The following FCN2 variants were observed in gnomAD, a reference collection of about 807,000 sequenced individuals.
FCN2 encodes the protein ficolin-2.
FCN2 carries 31 observed loss-of-function variants against 32.5 expected under a neutral mutation model. The ratio of observed to expected loss-of-function variants is 0.96; its 90% CI spans 0.72 to 1.29. FCN2 has a LOEUF of 1.29. Among genes scored for constraint, FCN2 ranks in the 50% most tolerant of loss-of-function variants. FCN2 has a pLI of 0.00. For synonymous variants in FCN2, 181 were observed against 164.5 expected (o/e 1.10, Z -0.77); for missense variants, 412 against 406.5 (o/e 1.01, Z -0.12).
In FCN2 at chr9:134,882,510, C is replaced by G. The variant is rs750387186; in HGVS notation, c.101-16C>G. 6.2e-6 allele frequency: 10 copies of G among 1,608,090 alleles called. No homozygotes were observed. The highest frequency in any genetic ancestry group is 1.7e-4 in the Middle Eastern group (1 of 5,984). On this transcript the variant is annotated splice_polypyrimidine_tract_variant and intron_variant, in intron 1 of 7. Coordinates refer to ENST00000291744, the MANE Select transcript of FCN2 (RefSeq NM_004108.3). ...GGCCCAGGTGACACTGAGTGGCCAC[C>G]TGTGTTTTTCTGCAGAGGTGAAGAT...
chr9:134,871,783 T>G, the FCN2 span, among the ~76,000 whole-genome samples: 1 of 152,166 alleles, frequency 6.6e-6, no homozygotes, highest in African/African-American at 2.4e-5. Context: ...TCTAAGAGCC[T>G]AGAGGGGTGT....
the FCN2 span, among the ~76,000 whole-genome samples, chr9:134,871,462 C>T: frequency 1.1e-4 from 16 of 152,332 alleles, no homozygotes; most frequent in East Asian, 1.9e-4. Flanking sequence ...TGGAGAGGAG[C>T]GGGGCTGGGC....
the FCN2 span, among the ~76,000 whole-genome samples, chr9:134,866,645 T>C: frequency 2.7e-5 from 4 of 149,632 alleles, no homozygotes; most frequent in Middle Eastern, 0.011. Context: ...AAATGGGATC[T>C]AATTAAACTA....
At chr9:134,874,170 C>T in the FCN2 span, among the ~76,000 whole-genome samples, 1 of 152,086 alleles carries the variant, frequency 6.6e-6, no homozygotes, top group African/African-American at 2.4e-5. Context: ...CCCAGCTTGG[C>T]CTCCCAAAGT....
the FCN2 span, among the ~76,000 whole-genome samples, chr9:134,873,392 C>T: frequency 6.6e-6 from 1 of 152,128 alleles, no homozygotes; most frequent in Admixed American, 6.6e-5. Context: ...GAGGCTGCTG[C>T]GTAACAACTC....
upstream of FCN2, chr9:134,880,750 G>T: frequency 8.5e-7 from 1 of 1,178,502 alleles, no homozygotes; most frequent in Non-Finnish European, 1.3e-6. Flanking sequence ...ATGAGAAATT[G>T]GAGTCTGAGG....
At chr9:134,878,494 G>C (rs1333445788), upstream of FCN2, among the ~76,000 whole-genome samples, 8 of 152,188 alleles carry the variant, frequency 5.3e-5, no homozygotes, top group Non-Finnish European at 7.3e-5. Context: ...GACTTTTCAG[G>C]TCTTCCTTTG....
At position 134,884,725 on chromosome 9, in the gene FCN2, C is replaced by T. The variant is rs1830717403; in HGVS notation, c.269-15C>T. 12 of 1,613,584 alleles carry T rather than the reference C, an allele frequency of 7.4e-6. No individual in the cohort carries two copies. Among genetic ancestry groups the T allele is most frequent in the Non-Finnish European group, 9.3e-6 (11 of 1,179,666 alleles). ...CCAAACTGTGACACGTGTGTCCTCT[C>T]TCATCCATGAACAGGAGCACCTGGG... On this transcript the variant is annotated splice_polypyrimidine_tract_variant and intron_variant, in intron 3 of 7. Coordinates refer to ENST00000291744, the MANE Select transcript of FCN2 (RefSeq NM_004108.3).
chr9:134,873,925 T>G, the FCN2 span, among the ~76,000 whole-genome samples: 1 of 131,782 alleles, frequency 7.6e-6, no homozygotes, highest in Admixed American at 7.7e-5. Flanking sequence ...GTTTTTTGTT[T>G]TTTGATATAG....
the FCN2 span, among the ~76,000 whole-genome samples, chr9:134,868,004 C>G: frequency 6.6e-6 from 1 of 152,180 alleles, no homozygotes; most frequent in African/African-American, 2.4e-5. This position sits in a 1 kb window ranked among gnomAD's most constrained non-coding sequence, Gnocchi z 4.3. Flanking sequence ...ACTTGGCAGC[C>G]CAGAGCACAA....
At chr9:134,872,016 T>A in the FCN2 span, among the ~76,000 whole-genome samples, 2 of 151,878 alleles carry the variant, frequency 1.3e-5, no homozygotes, top group South Asian at 2.1e-4. Context: ...TTCCTAAGAT[T>A]TTTTACGAGT....
upstream of FCN2, among the ~76,000 whole-genome samples, chr9:134,878,467 AT>A (rs1261323552): frequency 6.6e-6 from 1 of 152,200 alleles, no homozygotes; most frequent in Non-Finnish European, 1.5e-5. Flanking sequence ...TCTGTGGGCA[AT>A]TTTGAGTTCA....
chr9:134,887,147 C>G (rs1269843085), intron 7 of FCN2, 21 bp from the exon 8 acceptor site: 2 of 1,613,834 alleles, frequency 1.2e-6, no homozygotes, highest in Non-Finnish European at 1.7e-6. Context: ...TGTAACGATG[C>G]TCACATTTCC....
At chr9:134,884,677 T>G (rs1830716465) in intron 3 of FCN2, 63 bp from the exon 4 acceptor site, 1 of 1,521,700 alleles carries the variant, frequency 6.6e-7, no homozygotes, top group Non-Finnish European at 9.1e-7. Context: ...CGCGGACCAA[T>G]GGGGGCTGAA....
intron 5 of FCN2, 25 bp downstream of exon 5, chr9:134,885,391 G>C: frequency 1.2e-6 from 2 of 1,609,418 alleles, no homozygotes; most frequent in Admixed American, 1.7e-5. Context: ...GGGCAGAGGC[G>C]GTCAGCCTGG....
chr9:134,882,361 T>C (rs1326791354), intron 1 of FCN2, among the ~76,000 whole-genome samples, 165 bp from the exon 2 acceptor site: 4 of 152,216 alleles, frequency 2.6e-5, no homozygotes, highest in African/African-American at 9.6e-5. Context: ...AAAACCTCCC[T>C]TCCAGGTGAC....
In FCN2 at chr9:134,884,814, C is replaced by T. The variant is rs148404686; in HGVS notation, c.301+42C>T. ...ACACTCCTCCCACGGCTTGTGGCTG[C>T]CCTTGGCTGGAAGTCCAGGGTCATA... On this transcript the variant is annotated intron_variant, in intron 4 of 7. Transcript: ENST00000291744. 7.5e-5 allele frequency: 120 copies of T among 1,600,854 alleles called. No individual in the cohort carries two copies. In the East Asian group the frequency reaches 2.5e-3, roughly 33 times the overall value.
At chr9:134,878,095 C>T (rs7019595), upstream of FCN2, among the ~76,000 whole-genome samples, 1,514 of 152,298 alleles carry the variant, frequency 9.9e-3, 29 homozygotes, top group African/African-American at 0.034. Context: ...TTCCTGCCCT[C>T]GAACATCAGA....
the FCN2 span, among the ~76,000 whole-genome samples, chr9:134,872,651 G>A: frequency 6.6e-6 from 1 of 152,068 alleles, no homozygotes; most frequent in Non-Finnish European, 1.5e-5. Flanking sequence ...TGGTGCGGGG[G>A]AACTCCCCTT....
Sources: gnomAD v4.1 joint callset for allele counts (sites outside exome capture counted in the v4.1 genomes callset) on GRCh38, gnomAD v4.1.1 for gene constraint, Gnocchi (gnomAD v3.1) non-coding constraint, MANE v1.5 for transcripts, NCBI Gene and HGNC (gene_info 2026-07-23, HGNC 2026-07-21) for gene names.